CEP57: variants seen among roughly 807,000 people sequenced by gnomAD.
CEP57 encodes the protein centrosomal protein of 57 kDa.
Under a neutral mutation model 68.0 loss-of-function variants are expected in CEP57, and 40 were observed. The observed-to-expected ratio is 0.59, with a 90% CI of 0.46 to 0.77. The LOEUF (loss-of-function observed/expected upper bound fraction) is 0.77, where lower values mean the gene tolerates loss of function less well. Among genes scored for constraint, CEP57 ranks in the 30% least tolerant of loss-of-function variants. The pLI is 0.00. For missense variants in CEP57, 606 were observed against 580.7 expected, an observed-to-expected ratio of 1.04 and a Z score of -0.45; for synonymous variants, 219 against 198.7, an observed-to-expected ratio of 1.10 and a Z score of -0.86.
At chr11:95,802,248 T>C (rs986497110) in intron 2 of CEP57, among the ~76,000 whole-genome samples, 2 of 151,008 alleles carry the variant, frequency 1.3e-5, no homozygotes, top group African/African-American at 4.9e-5. Context: ...TTTATAAACG[T>C]GACATGATTT....
At position 95,790,514 on chromosome 11, in the gene CEP57, T is replaced by C; in HGVS notation, c.-185T>C. ...CGTGTTGCCCTTTCTGTGTAAGCTG[T>C]GAGCGTAGGCGGCCCTGAGGGGGTG... On this transcript the variant is annotated 5_prime_UTR_variant, in exon 1 of 11. Coordinates refer to ENST00000325542, the MANE Select transcript of CEP57 (RefSeq NM_014679.5). 1.6e-6 allele frequency: 1 copy of C among 641,238 alleles called. No individual in the cohort carries two copies. Among genetic ancestry groups the C allele is most frequent in the Non-Finnish European group, 2.7e-6 (1 of 366,546 alleles). The allele number at this position is 641,238 out of a possible 1,614,324, so 39.7% of individuals were successfully genotyped here.
At chr11:95,790,863 G>A (rs185293905) in intron 1 of CEP57, 120 bp downstream of exon 1, 14,770 of 1,130,186 alleles carry the variant, frequency 0.013, 127 homozygotes, top group Non-Finnish European at 0.017. Context: ...CGGCGGGAAT[G>A]CCTAGATTGC....
At chr11:95,790,236 CT>C, upstream of CEP57, 1 of 194,112 alleles carries the variant, frequency 5.2e-6, no homozygotes, top group South Asian at 9.0e-5. Flanking sequence ...TTAACTTCGC[CT>C]TCGCTTTTGT....
rs1418520348 is a variant in CEP57, at chr11:95,832,550, GA to G, written c.*1295del. On this transcript the variant is annotated 3_prime_UTR_variant, in exon 11 of 11. Coordinates refer to ENST00000325542, the MANE Select transcript of CEP57 (RefSeq NM_014679.5). ...GTAGCTTGATTGAATTAATAATTGTGAGCCCATAGACACAAGGGAAGTGAGA... is the reference window on the plus strand; with the variant it reads ...GTAGCTTGATTGAATTAATAATTGTGGCCCATAGACACAAGGGAAGTGAGA... 1.3e-5 allele frequency: 2 copies of G among 152,108 alleles called. No individual in the cohort carries two copies. Among genetic ancestry groups the G allele is most frequent in the Non-Finnish European group, 2.9e-5 (2 of 68,018 alleles). 9.4% of individuals were successfully genotyped at this position (152,108 alleles called of 1,614,324 possible).
Position 95,804,091 on chromosome 11 carries a change from A to G in CEP57, c.202+4703A>G, listed in dbSNP as rs1861693618. ...ATGAAAAATATGAAATTTATCAGGT[A>G]TGACAAATGTGATTACGTCAACTCA... On this transcript the variant is annotated intron_variant, in intron 2 of 10. Coordinates refer to ENST00000325542, the MANE Select transcript of CEP57 (RefSeq NM_014679.5). 2.0e-5 allele frequency among the ~76,000 whole-genome samples: 3 copies of G among 152,232 alleles called. 1 individual carries two copies. The South Asian group carries it at 6.2e-4, about 31-fold the overall frequency.
intron 4 of CEP57, among the ~76,000 whole-genome samples, chr11:95,816,631 C>G (rs1469729603): frequency 1.3e-5 from 2 of 152,132 alleles, no homozygotes; most frequent in Non-Finnish European, 2.9e-5. Flanking sequence ...TAAATTATTG[C>G]TTTATATTAA....
chr11:95,827,638 A>G lies in CEP57; in HGVS notation c.886-148A>G, dbSNP rs1862800270. 3 of 888,800 alleles carry G rather than the reference A, an allele frequency of 3.4e-6. No individual in the cohort carries two copies. The South Asian group carries it at 4.9e-5, about 14-fold the overall frequency. 55.1% of individuals were successfully genotyped at this position (888,800 alleles called of 1,614,324 possible). ...GTGGATTTATATCAAAGGATTTCAA[A>G]TAGAAGAACATCATGATGAGAATAA... On this transcript the variant is annotated intron_variant, in intron 8 of 10. Coordinates refer to ENST00000325542, the MANE Select transcript of CEP57 (RefSeq NM_014679.5).
intron 2 of CEP57, among the ~76,000 whole-genome samples, chr11:95,808,497 T>C (rs1268344041): frequency 6.6e-6 from 1 of 152,002 alleles, no homozygotes; most frequent in Non-Finnish European, 1.5e-5. Flanking sequence ...GGGGCACACA[T>C]AGGCTCAAAA....
In CEP57 at chr11:95,822,278, G is replaced by A. The variant is rs1862549525; in HGVS notation, c.808-221G>A. ...TGTATACTGATTTTCTACTTAGAAT[G>A]TAACTGTTGTTTTGTCAAGTGCTTT... On this transcript the variant is annotated intron_variant, in intron 7 of 10. Transcript: ENST00000325542. The A allele has an allele frequency of 1.0e-5, 6 of 586,600 alleles. No individual in the cohort carries two copies. The East Asian group carries it at 1.2e-4, about 11-fold the overall frequency. The allele number at this position is 586,600 out of a possible 1,614,324, so 36.3% of individuals were successfully genotyped here. A position where few individuals can be genotyped will look rare whatever the true frequency, so the allele number is the denominator to read the frequency against.
At chr11:95,804,392 A>G (rs1861705523) in intron 2 of CEP57, among the ~76,000 whole-genome samples, 1 of 152,230 alleles carries the variant, frequency 6.6e-6, no homozygotes, top group African/African-American at 2.4e-5. Flanking sequence ...CCTTAGGGAC[A>G]GTATTAGGAG....
At chr11:95,817,075 A>G (rs1211120420) in intron 4 of CEP57, among the ~76,000 whole-genome samples, 1 of 152,054 alleles carries the variant, frequency 6.6e-6, no homozygotes, top group Non-Finnish European at 1.5e-5. Flanking sequence ...ACTTCAAAAA[A>G]AAAAGTTTAG....
intron 4 of CEP57, among the ~76,000 whole-genome samples, chr11:95,814,803 G>GA (rs371680242): frequency 1.3e-4 from 20 of 148,980 alleles, no homozygotes; most frequent in Non-Finnish European, 1.9e-4. Flanking sequence ...CCCTGCAATG[G>GA]AAAAAAAAAA....
chr11:95,813,646 G>T, intron 4 of CEP57, 57 bp downstream of exon 4: 1 of 1,601,960 alleles, frequency 6.2e-7, no homozygotes, highest in Admixed American at 1.7e-5. Flanking sequence ...AAAACTAATT[G>T]AATAAAGACT....
chr11:95,826,472 G>C (rs1295288230), intron 8 of CEP57: 1 of 152,174 alleles, frequency 6.6e-6, no homozygotes, highest in Non-Finnish European at 1.5e-5. Context: ...GAGAGCATCA[G>C]GAAGAGTACC....
At chr11:95,821,749 GTAATAT>G in intron 6 of CEP57, 116 bp from the exon 7 acceptor site, 2 of 699,026 alleles carry the variant, frequency 2.9e-6, no homozygotes, top group East Asian at 5.5e-5. Flanking sequence ...TTATACAGCT[GTAATAT>G]GTTTTTCAGT....
rs1417286853 is a variant in CEP57, at chr11:95,790,819, C to T, written c.45+76C>T. ...TTGAGTTTCCTCACGTTTCAGGGCG[C>T]TGTCAGTCCAGCTTCTGACGCAATT... On this transcript the variant is annotated intron_variant, in intron 1 of 10. Coordinates refer to ENST00000325542, the MANE Select transcript of CEP57 (RefSeq NM_014679.5). The T allele has an allele frequency of 5.2e-6, 8 of 1,542,404 alleles. No individual in the cohort carries two copies. The Admixed American group carries it at 1.4e-4, about 27-fold the overall frequency.
chr11:95,802,447 G>GT lies in CEP57; in HGVS notation c.202+3062dup, dbSNP rs576459324. Among the ~76,000 whole-genome samples the GT allele has an allele frequency of 2.9e-3, 443 of 152,046 alleles. 4 individuals carry two copies. Among genetic ancestry groups the GT allele is most frequent in the African/African-American group, 9.7e-3 (402 of 41,464 alleles). ...TTTTTGTATTTTTAGTAGAGACAGGGTTTAACCATGTTGGCCAGGATGGTC... is the reference window on the plus strand; with the variant it reads ...TTTTTGTATTTTTAGTAGAGACAGGGTTTTAACCATGTTGGCCAGGATGGTC... On this transcript the variant is annotated intron_variant, in intron 2 of 10. Transcript: ENST00000325542.
intron 2 of CEP57, among the ~76,000 whole-genome samples, chr11:95,802,608 C>G (rs1272656557): frequency 6.6e-6 from 1 of 152,096 alleles, no homozygotes; most frequent in Non-Finnish European, 1.5e-5. Flanking sequence ...GTTTTTCTTA[C>G]TGGGAATTTA....
At chr11:95,791,261 G>C (rs1424541432) in intron 1 of CEP57, among the ~76,000 whole-genome samples, 5 of 152,148 alleles carry the variant, frequency 3.3e-5, no homozygotes, top group Non-Finnish European at 1.5e-5. Flanking sequence ...TGTGATGCTC[G>C]TAGCCAGAAC....
Sources: allele counts gnomAD v4.1 joint callset (sites outside exome capture counted in the v4.1 genomes callset), GRCh38; gene constraint gnomAD v4.1.1; transcripts MANE v1.5; gene names NCBI Gene and HGNC (gene_info 2026-07-23, HGNC 2026-07-21).